The following FBN2 variants were observed in gnomAD, a reference collection of about 807,000 sequenced individuals.
The protein encoded by FBN2 is fibrillin-2.
Under a neutral mutation model 355.6 loss-of-function variants are expected in FBN2, and 105 were observed. That is an observed-to-expected ratio of 0.30 (90% CI 0.25 to 0.35). The LOEUF (loss-of-function observed/expected upper bound fraction) is 0.35, where lower values mean the gene tolerates loss of function less well. Ranked by LOEUF, FBN2 falls within the 10% of genes least tolerant of loss-of-function variation. FBN2 has a pLI of 1.00. For synonymous variants in FBN2, 1,350 were observed against 1,301.2 expected, an observed-to-expected ratio of 1.04 and a Z score of -0.81; for missense variants, 3,280 against 3,758.7, an observed-to-expected ratio of 0.87 and a Z score of 3.33.
In FBN2 at chr5:128,338,943, C is replaced by T. The variant is rs1330788311; in HGVS notation, c.3462G>A (p.Lys1154=). ...GCTCACGGTGCTTACCCATGCAGTTCTTCATCATCATGAAGCCACTTTCAT... is the reference window on the plus strand; with the variant it reads ...GCTCACGGTGCTTACCCATGCAGTTTTTCATCATCATGAAGCCACTTTCAT... The part of the protein sequence containing the change: ...EGYESGFMMM[K]NCMDIDECER... The change falls in exon 26 of 65, where the codon AAG becomes AAA. Residue 1154 remains lysine, a synonymous_variant. Coordinates refer to ENST00000262464, the MANE Select transcript of FBN2 (RefSeq NM_001999.4). 8 of 1,613,964 alleles carry T rather than the reference C, an allele frequency of 5.0e-6. No individual in the cohort carries two copies. Among genetic ancestry groups the T allele is most frequent in the Non-Finnish European group, 4.2e-6 (5 of 1,179,964 alleles).
At chr5:128,473,196 T>A (rs1489377867) in intron 5 of FBN2, among the ~76,000 whole-genome samples, 4 of 152,174 alleles carry the variant, frequency 2.6e-5, no homozygotes, top group Non-Finnish European at 5.9e-5. Flanking sequence ...GCTCTCTAAA[T>A]AGGTGGCACC....
intron 11 of FBN2, among the ~76,000 whole-genome samples, chr5:128,385,417 C>T (rs1581255421): frequency 6.6e-6 from 1 of 152,154 alleles, no homozygotes; most frequent in Non-Finnish European, 1.5e-5. Context: ...ACATAGTATT[C>T]CATGGTGTCT....
intron 33 of FBN2, 50 bp from the exon 34 acceptor site, chr5:128,328,871 A>G: frequency 1.2e-6 from 2 of 1,604,002 alleles, no homozygotes; most frequent in Non-Finnish European, 1.7e-6. Flanking sequence ...ATTTCATGAC[A>G]CATTTTCTCC....
chr5:128,478,562 A>T (rs560687780), intron 5 of FBN2, among the ~76,000 whole-genome samples: 5 of 152,202 alleles, frequency 3.3e-5, no homozygotes, highest in Admixed American at 3.3e-4. Context: ...CTCTTGACTA[A>T]TTCTCCTGTA....
intron 7 of FBN2, among the ~76,000 whole-genome samples, chr5:128,438,328 A>G (rs903045778): frequency 6.6e-6 from 1 of 152,220 alleles, no homozygotes; most frequent in Non-Finnish European, 1.5e-5. Flanking sequence ...TTTTTCCAAA[A>G]GCATATTATA....
rs372831790 is a variant in FBN2, at chr5:128,305,967, G to A, written c.5423-19C>T. 2 of 1,610,232 alleles carry A rather than the reference G, an allele frequency of 1.2e-6. No homozygotes were observed. The highest frequency in any genetic ancestry group is 1.1e-5 in the South Asian group (1 of 90,996). ...TCAATGTCTGAAATGGAACAGATTTGGTCAAATATATGTTGTTCTGTTTAA... is the reference window on the plus strand; with the variant it reads ...TCAATGTCTGAAATGGAACAGATTTAGTCAAATATATGTTGTTCTGTTTAA... On this transcript the variant is annotated intron_variant, in intron 42 of 64. Coordinates refer to ENST00000262464, the MANE Select transcript of FBN2 (RefSeq NM_001999.4).
At chr5:128,446,628 A>T in intron 6 of FBN2, 22 bp from the exon 7 acceptor site, 1 of 1,612,156 alleles carries the variant, frequency 6.2e-7, no homozygotes, top group Non-Finnish European at 8.5e-7. Context: ...AAACATTTTG[A>T]ACACAGATGA....
chr5:128,305,466 G>GA, intron 44 of FBN2, 45 bp downstream of exon 44: 1 of 1,608,822 alleles, frequency 6.2e-7, no homozygotes. Context: ...GAAATCTAAG[G>GA]AATCTTGTGC....
At chr5:128,271,936 C>A in intron 62 of FBN2, 63 bp downstream of exon 62, 1 of 1,594,152 alleles carries the variant, frequency 6.3e-7, no homozygotes, top group South Asian at 1.1e-5. Context: ...ACAATTTGTT[C>A]ATCTTATTCA....
Position 128,278,826 on chromosome 5 carries a change from A to G in FBN2, c.7154T>C (p.Leu2385Pro), listed in dbSNP as rs752724573. ...TGTCTGCAGTACCTCTGCAAAGCAGAGACCCTGTCGATTGTCTGAAATGGC... is the reference window on the plus strand; with the variant it reads ...TGTCTGCAGTACCTCTGCAAAGCAGGGACCCTGTCGATTGTCTGAAATGGC... ...GTECLDNRQG[L>P]CFAEVLQTIC... The change falls in exon 57 of 65, where the codon CTC becomes CCC. Residue 2385 changes from leucine to proline, a missense_variant. By Grantham distance (98) the Leu-to-Pro change is moderately conservative. This residue lies in a region of FBN2 where 2,284 missense variants were observed against 2,749.5 expected (regional missense o/e 0.83). Coordinates refer to ENST00000262464, the MANE Select transcript of FBN2 (RefSeq NM_001999.4). 2 of 1,613,798 alleles carry G rather than the reference A, an allele frequency of 1.2e-6. No individual in the cohort carries two copies. Among genetic ancestry groups the G allele is most frequent in the Non-Finnish European group, 1.7e-6 (2 of 1,179,920 alleles).
rs550404171 is a variant in FBN2 at position 128,299,339 on chromosome 5, C to T, written c.6166+1478G>A. ...GAGCCTACAGAGGCAGGCAGGCCTC[C>T]TTGAGCTGTGGTGGGCTCCAAACAG... is the stretch of plus-strand genomic sequence containing the variant. On this transcript the variant is annotated intron_variant, in intron 48 of 64. Coordinates refer to ENST00000262464, the MANE Select transcript of FBN2 (RefSeq NM_001999.4). Among the ~76,000 whole-genome samples, 6 of 151,596 alleles carry T rather than the reference C, an allele frequency of 4.0e-5. No homozygotes were observed. In the South Asian group the frequency reaches 1.2e-3, roughly 32 times the overall value.
chr5:128,325,434 C>G lies in FBN2; in HGVS notation c.4471+3262G>C, dbSNP rs567676819. 3.3e-5 allele frequency among the ~76,000 whole-genome samples: 5 copies of G among 152,188 alleles called. No individual in the cohort carries two copies. In the South Asian group the frequency reaches 1.0e-3, roughly 31 times the overall value. On this transcript the variant is annotated intron_variant, in intron 34 of 64. Coordinates refer to ENST00000262464, the MANE Select transcript of FBN2 (RefSeq NM_001999.4). ...TCAGAGACTAAGATTGCAATCTCTG[C>G]TTTTTATTTTGCTTTCCATTTGCTT... is the stretch of plus-strand genomic sequence containing the variant.
In FBN2 at chr5:128,311,949, T is replaced by G. The variant is rs371650846; in HGVS notation, c.4884A>C (p.Glu1628Asp). Residue 1628 changes from glutamate to aspartate, a missense_variant, in exon 38 of 65, where the codon GAA becomes GAC. Physicochemically the swap from Glu to Asp is conservative, Grantham distance 45. Around this residue, in one of 6 missense-constraint regions of FBN2, gnomAD observed 2,284 missense variants for 2,749.5 expected, o/e 0.83. Coordinates refer to ENST00000262464, the MANE Select transcript of FBN2 (RefSeq NM_001999.4). ...CETCPPVNST[E>D]YYTLCPGGEG... ...CACCTCCGGGACACAGGGTGTAATA[T>G]TCAGCTACAAAACAATAGAAAAATA... 5.6e-6 allele frequency: 9 copies of G among 1,608,802 alleles called. No homozygotes were observed. The highest frequency in any genetic ancestry group is 7.7e-6 in the Non-Finnish European group (9 of 1,175,358).
intron 10 of FBN2, among the ~76,000 whole-genome samples, chr5:128,392,493 G>C (rs1281707173): frequency 6.6e-6 from 1 of 152,140 alleles, no homozygotes; most frequent in Non-Finnish European, 1.5e-5. Context: ...ATGCCAAAAA[G>C]AATAAACATA....
At chr5:128,484,145 G>T (rs1285355743) in intron 5 of FBN2, among the ~76,000 whole-genome samples, 2 of 152,136 alleles carry the variant, frequency 1.3e-5, no homozygotes, top group Non-Finnish European at 2.9e-5. Context: ...ATCCATACTT[G>T]AGTACATTTA....
At position 128,377,753 on chromosome 5, in the gene FBN2, AAC is replaced by A; in HGVS notation, c.1846_1847del (p.Val616Ter). Reference sequence around the variant, plus strand: ...CAAGGGAGCAGGCAATTTCCATACCAACACAGTTTTTTCCATCTGTAGTTAAT... The same window carrying A: ...CAAGGGAGCAGGCAATTTCCATACCAACAGTTTTTTCCATCTGTAGTTAAT... ...FELTTDGKNC[V>X]DHDECTTTNM... On this transcript the variant is annotated frameshift_variant and splice_region_variant, in exon 13 of 65. Transcript: ENST00000262464. LOFTEE classifies it high-confidence loss of function. 1 of 1,613,500 alleles carries A rather than the reference AAC, an allele frequency of 6.2e-7. No individual in the cohort carries two copies. Among genetic ancestry groups the A allele is most frequent in the Non-Finnish European group, 8.5e-7 (1 of 1,179,584 alleles).
intron 5 of FBN2, among the ~76,000 whole-genome samples, chr5:128,485,544 A>T (rs529114835): frequency 0.023 from 3,548 of 152,268 alleles, 137 homozygotes; most frequent in African/African-American, 0.082. Flanking sequence ...ATGTTGAATG[A>T]AAACAGCAAG....
intron 53 of FBN2, among the ~76,000 whole-genome samples, 186 bp from the exon 54 acceptor site, chr5:128,287,616 A>G (rs1326839223): frequency 1.3e-5 from 2 of 152,226 alleles, no homozygotes; most frequent in Non-Finnish European, 2.9e-5. Context: ...AAACTCCGGA[A>G]AGAATATAAA....
intron 9 of FBN2, among the ~76,000 whole-genome samples, chr5:128,394,710 C>T (rs78102773): frequency 0.054 from 8,206 of 152,222 alleles, 310 homozygotes; most frequent in East Asian, 0.084. Context: ...ATCACACTCC[C>T]CACAAAAACA....
Sources: gnomAD v4.1 joint callset for allele counts (sites outside exome capture counted in the v4.1 genomes callset) on GRCh38, gnomAD v4.1.1 for gene constraint, gnomAD v4.1.1 regional missense constraint, MANE v1.5 for transcripts, NCBI Gene and HGNC (gene_info 2026-07-23, HGNC 2026-07-21) for gene names.